VPS13B: variants seen among roughly 807,000 people sequenced by gnomAD.
VPS13B encodes intermembrane lipid transfer protein VPS13B.
A neutral mutation model predicts 426.4 loss-of-function variants in VPS13B; 285 were observed. The observed-to-expected ratio is 0.67, with a 90% confidence interval of 0.61 to 0.74. The LOEUF is 0.74. Among genes scored for constraint, VPS13B ranks in the 30% least tolerant of loss-of-function variants. The pLI is 0.00. For missense variants in VPS13B, 4,537 were observed against 4,782.6 expected, an observed-to-expected ratio of 0.95 and a Z score of 1.51; for synonymous variants, 1,676 against 1,676.4, an observed-to-expected ratio of 1.00 and a Z score of 0.01.
chr8:99,394,094 G>A (rs1251909676), intron 21 of VPS13B, among the ~76,000 whole-genome samples: 1 of 151,932 alleles, frequency 6.6e-6, no homozygotes, highest in Non-Finnish European at 1.5e-5. Context: ...ATTTTCAGTA[G>A]CATTAGGTAT....
chr8:99,784,584 C>A, intron 43 of VPS13B, 108 bp downstream of exon 43: 1 of 1,434,772 alleles, frequency 7.0e-7, no homozygotes. Context: ...TCCGAAGGAA[C>A]CACACAGCGT....
At chr8:99,551,307 T>C (rs966322837) in intron 30 of VPS13B, among the ~76,000 whole-genome samples, 4 of 152,076 alleles carry the variant, frequency 2.6e-5, no homozygotes, top group Non-Finnish European at 4.4e-5. Flanking sequence ...TAAATTTAAT[T>C]ACTTAAGTTT....
chr8:99,158,695 A>C (rs962025283), intron 15 of VPS13B, among the ~76,000 whole-genome samples: 3 of 152,220 alleles, frequency 2.0e-5, no homozygotes, highest in Non-Finnish European at 4.4e-5. Context: ...TGTTTATGGC[A>C]TGGTTTACTA....
chr8:99,173,232 T>TA (rs970797752), intron 16 of VPS13B, among the ~76,000 whole-genome samples: 2 of 152,244 alleles, frequency 1.3e-5, no homozygotes, highest in East Asian at 3.9e-4. Flanking sequence ...TTACACGACT[T>TA]GGTGCTGGTA....
At chr8:99,871,967 A>T (rs557106612) in intron 61 of VPS13B, among the ~76,000 whole-genome samples, 10 of 152,204 alleles carry the variant, frequency 6.6e-5, no homozygotes, top group Non-Finnish European at 1.2e-4. Context: ...CTAAGTAACC[A>T]AGCCAATTGA....
chr8:99,454,846 A>C (rs945061800), intron 23 of VPS13B, among the ~76,000 whole-genome samples: 1 of 152,078 alleles, frequency 6.6e-6, no homozygotes, highest in African/African-American at 2.4e-5. Context: ...TGGTATCTAA[A>C]TGCTGTTTAA....
intron 17 of VPS13B, chr8:99,241,127 T>C (rs1816912138): frequency 6.6e-6 from 1 of 152,216 alleles, no homozygotes; most frequent in African/African-American, 2.4e-5. Context: ...TGCCAACTGA[T>C]TTTACACCAA....
rs368851580 is a variant in VPS13B, at chr8:99,642,197, G to A, written c.5607G>A (p.Thr1869=). 1.4e-4 allele frequency: 225 copies of A among 1,613,974 alleles called. No individual in the cohort carries two copies. Among genetic ancestry groups the A allele is most frequent in the Admixed American group, 2.0e-4 (12 of 59,970 alleles). ...VAKPNQACIS[T]VTAEDLLRSS... The stretch of plus-strand genomic sequence containing the variant: ...AGCCCAACCAGGCATGTATTTCCAC[G>A]GTGACAGCAGAAGATCTCTTAAGGA... The change falls in exon 34 of 62, where the codon ACG becomes ACA. Residue 1869 remains threonine, a synonymous_variant. Coordinates refer to ENST00000357162, the MANE Select transcript of VPS13B (RefSeq NM_152564.5).
Position 99,272,237 on chromosome 8 carries a change from A to G in VPS13B, c.2516-1961A>G, listed in dbSNP as rs569812973. Among the ~76,000 whole-genome samples, 3 of 152,280 alleles carry G rather than the reference A, an allele frequency of 2.0e-5. No homozygotes were observed. The East Asian group carries it at 5.8e-4, about 29-fold the overall frequency. On this transcript the variant is annotated intron_variant, in intron 17 of 61. Transcript: ENST00000357162. ...AAGTGTGGAAAGGGAAAAAGAAGCA[A>G]AATTACGTTGGTGGGTTTTCATGAA... is the stretch of plus-strand genomic sequence containing the variant.
intron 34 of VPS13B, among the ~76,000 whole-genome samples, chr8:99,658,027 C>T (rs1405259882): frequency 4.6e-5 from 7 of 151,954 alleles, no homozygotes; most frequent in Non-Finnish European, 1.0e-4. Flanking sequence ...ATTTATATAT[C>T]CCTGATTAAG....
Position 99,630,978 on chromosome 8 carries a change from T to G in VPS13B, c.5221-10833T>G, listed in dbSNP as rs78755423. 1.1e-3 allele frequency among the ~76,000 whole-genome samples: 167 copies of G among 152,220 alleles called. 2 individuals carry two copies. In the East Asian group the frequency reaches 0.031, roughly 28 times the overall value. ...AAAGTTTATTTAATAGTTGAGCTTT[T>G]GAGAAGAAAAAAATGTAAAATGGAT... On this transcript the variant is annotated intron_variant, in intron 33 of 61. Transcript: ENST00000357162.
Position 99,135,738 on chromosome 8 carries a change from G to C in VPS13B, c.1563+5G>C, listed in dbSNP as rs1302980953. On this transcript the variant is annotated splice_donor_5th_base_variant and intron_variant, in intron 11 of 61. Coordinates refer to ENST00000357162, the MANE Select transcript of VPS13B (RefSeq NM_152564.5). ...TTGGATTCAACTCATCATAAGGTTA[G>C]AGAATATATATTTGAACCAAATTCT... 6.2e-7 allele frequency: 1 copy of C among 1,612,876 alleles called. No homozygotes were observed. Among genetic ancestry groups the C allele is most frequent in the Non-Finnish European group, 8.5e-7 (1 of 1,179,262 alleles).
At chr8:99,337,277 A>G (rs1191150636) in intron 19 of VPS13B, among the ~76,000 whole-genome samples, 1 of 148,390 alleles carries the variant, frequency 6.7e-6, no homozygotes, top group African/African-American at 2.5e-5. Flanking sequence ...AAAACCAAAC[A>G]CCGCATATTC....
In VPS13B at chr8:99,103,100, G is replaced by A. The variant is rs150941426; in HGVS notation, c.560G>A (p.Arg187His). The A allele has an allele frequency of 1.3e-4, 215 of 1,613,760 alleles. No individual in the cohort carries two copies. The highest frequency in any genetic ancestry group is 3.7e-4 in the South Asian group (34 of 91,078). ...TATACAGTAGGTGAATTATGGGATCGTGCATTCATGGATATTTCTGGTGAG... is the reference window on the plus strand; with the variant it reads ...TATACAGTAGGTGAATTATGGGATCATGCATTCATGGATATTTCTGGTGAG... ...ECYTVGELWD[R>H]AFMDISATDL... The change falls in exon 5 of 62, where the codon CGT becomes CAT. Residue 187 changes from arginine to histidine, a missense_variant. Physicochemically the swap from Arg to His is conservative, Grantham distance 29. Transcript: ENST00000357162.
intron 28 of VPS13B, among the ~76,000 whole-genome samples, chr8:99,509,868 T>C (rs1487081922): frequency 6.6e-6 from 1 of 152,212 alleles, no homozygotes; most frequent in African/African-American, 2.4e-5. Context: ...AGTGACATTC[T>C]TTTTGTACGT....
chr8:99,075,383 T>G (rs988838340), intron 3 of VPS13B, among the ~76,000 whole-genome samples: 5 of 152,100 alleles, frequency 3.3e-5, no homozygotes, highest in Non-Finnish European at 7.3e-5. Context: ...GAGAGAGTGC[T>G]GGGGAGGTAC....
chr8:99,280,153 T>G (rs1017666008), intron 19 of VPS13B, among the ~76,000 whole-genome samples: 2 of 152,206 alleles, frequency 1.3e-5, no homozygotes, highest in African/African-American at 4.8e-5. Flanking sequence ...CTGGCCTTTT[T>G]TGATGTTCTC....
chr8:99,038,354 G>T (rs2132221637), intron 2 of VPS13B, 69 bp from the exon 3 acceptor site: 3 of 1,293,564 alleles, frequency 2.3e-6, no homozygotes, highest in Middle Eastern at 2.8e-4. Context: ...TTTTAAAAAA[G>T]AAATTTGCAT....
intron 30 of VPS13B, among the ~76,000 whole-genome samples, chr8:99,525,435 T>A (rs1224433651): frequency 2.0e-5 from 3 of 152,188 alleles, no homozygotes; most frequent in Non-Finnish European, 4.4e-5. Flanking sequence ...TAGCTGATAA[T>A]GTGTCATAGG....
Sources: gnomAD v4.1 joint callset for allele counts (sites outside exome capture counted in the v4.1 genomes callset) on GRCh38, gnomAD v4.1.1 for gene constraint, MANE v1.5 for transcripts, NCBI Gene and HGNC (gene_info 2026-07-23, HGNC 2026-07-21) for gene names.